HOATZ: variants seen among roughly 807,000 people sequenced by gnomAD.
HOATZ encodes HOATZ cilia and flagella associated protein.
In HOATZ, 26 loss-of-function variants were observed where a neutral mutation model predicts 24.9. The ratio of observed to expected loss-of-function variants is 1.04; its 90% CI spans 0.76 to 1.45. The LOEUF (loss-of-function observed/expected upper bound fraction) is 1.45. Ranked by LOEUF, HOATZ falls within the 40% of genes most tolerant of loss-of-function variation. The pLI is 0.00. For missense variants in HOATZ, 226 were observed against 201.5 expected (o/e 1.12, Z -0.74); for synonymous variants, 83 against 76.6 (o/e 1.08, Z -0.43).
chr11:111,515,785 G>A (rs1446489343), intron 2 of HOATZ, among the ~76,000 whole-genome samples: 1 of 152,166 alleles, frequency 6.6e-6, no homozygotes, highest in East Asian at 1.9e-4. Context: ...GCTCTCTTTC[G>A]AGACTTTTTC....
intron 3 of HOATZ, among the ~76,000 whole-genome samples, chr11:111,525,221 T>A (rs1399935353): frequency 2.0e-5 from 3 of 152,132 alleles, no homozygotes; most frequent in East Asian, 1.9e-4. Context: ...TTTGTTTTTT[T>A]AAAAAAGAAA....
At chr11:111,518,516 T>C (rs1457736340) in intron 3 of HOATZ, among the ~76,000 whole-genome samples, 1 of 152,194 alleles carries the variant, frequency 6.6e-6, no homozygotes, top group Non-Finnish European at 1.5e-5. Context: ...ATTATGATTA[T>C]CACCATTTGG....
intron 3 of HOATZ, among the ~76,000 whole-genome samples, chr11:111,526,203 G>A (rs1435349619): frequency 1.3e-5 from 2 of 152,196 alleles, no homozygotes; most frequent in African/African-American, 2.4e-5. Context: ...GTGGTAATAT[G>A]GGAGGAAGGT....
At chr11:111,520,268 C>A (rs911534229) in intron 3 of HOATZ, among the ~76,000 whole-genome samples, 1 of 151,734 alleles carries the variant, frequency 6.6e-6, no homozygotes, top group African/African-American at 2.4e-5. Context: ...GCTGATTATC[C>A]CTTTATGAAA....
chr11:111,536,629 A>G, intron 5 of HOATZ, 141 bp from the exon 6 acceptor site: 1 of 662,528 alleles, frequency 1.5e-6, no homozygotes, highest in Non-Finnish European at 2.7e-6. Flanking sequence ...ACAAGTTTAT[A>G]CTTGGTTGCA....
chr11:111,532,051 A>G (rs1331999780), intron 3 of HOATZ, among the ~76,000 whole-genome samples: 1 of 152,166 alleles, frequency 6.6e-6, no homozygotes, highest in Non-Finnish European at 1.5e-5. Context: ...GGTCTAAAGC[A>G]TGGACATCAC....
At chr11:111,528,935 T>G (rs993146351) in intron 3 of HOATZ, among the ~76,000 whole-genome samples, 2 of 152,248 alleles carry the variant, frequency 1.3e-5, no homozygotes, top group Non-Finnish European at 2.9e-5. Context: ...TCTTTGGCTC[T>G]GCCAGTTACT....
chr11:111,533,428 A>G (rs1867414415), intron 3 of HOATZ, among the ~76,000 whole-genome samples: 2 of 152,116 alleles, frequency 1.3e-5, no homozygotes, highest in South Asian at 4.1e-4. Flanking sequence ...CTTAATAAAT[A>G]TTAGTTTTTT....
At chr11:111,520,336 A>G (rs995011304) in intron 3 of HOATZ, among the ~76,000 whole-genome samples, 1 of 152,220 alleles carries the variant, frequency 6.6e-6, no homozygotes, top group Non-Finnish European at 1.5e-5. Flanking sequence ...GCAGTATTTG[A>G]AGGCATATAT....
Position 111,534,662 on chromosome 11 carries a change from A to G in HOATZ, c.452+198A>G, listed in dbSNP as rs1438684213. ...GTACGAACTTGTCTGTCTGTGGAATATGCAAGCATAAGTTAGTGCAAAATG... is the reference window on the plus strand; with the variant it reads ...GTACGAACTTGTCTGTCTGTGGAATGTGCAAGCATAAGTTAGTGCAAAATG... On this transcript the variant is annotated intron_variant, in intron 5 of 5. Coordinates refer to ENST00000375618, the MANE Select transcript of HOATZ (RefSeq NM_001100388.2). 47 of 574,894 alleles carry G rather than the reference A, an allele frequency of 8.2e-5. No homozygotes were observed. The East Asian group carries it at 1.3e-3, about 16-fold the overall frequency. The allele number at this position is 574,894 out of a possible 1,614,324, so 35.6% of individuals were successfully genotyped here.
chr11:111,516,196 C>G (rs1867197155), intron 3 of HOATZ, 86 bp downstream of exon 3: 1 of 786,892 alleles, frequency 1.3e-6, no homozygotes, highest in African/African-American at 1.8e-5. Flanking sequence ...ATTTAAAAAT[C>G]TGCTACTTCT....
At chr11:111,516,146 T>G in intron 3 of HOATZ, 36 bp downstream of exon 3, 1 of 1,280,462 alleles carries the variant, frequency 7.8e-7, no homozygotes, top group Non-Finnish European at 1.1e-6. Flanking sequence ...CTGATCATCA[T>G]TAAATTTCTA....
chr11:111,518,634 A>C (rs1385005299), intron 3 of HOATZ, among the ~76,000 whole-genome samples: 1 of 152,232 alleles, frequency 6.6e-6, no homozygotes, highest in Non-Finnish European at 1.5e-5. Context: ...TAATCCCATA[A>C]TAGATTTGTT....
intron 3 of HOATZ, among the ~76,000 whole-genome samples, chr11:111,516,631 CCT>C (rs1339493733): frequency 6.6e-6 from 1 of 152,098 alleles, no homozygotes; most frequent in African/African-American, 2.4e-5. Context: ...GCAGAAGGAT[CCT>C]CTGAGTCCAG....
intron 3 of HOATZ, among the ~76,000 whole-genome samples, chr11:111,527,772 T>G (rs1867355230): frequency 6.6e-6 from 1 of 152,186 alleles, no homozygotes; most frequent in Admixed American, 6.5e-5. Context: ...AAATTCATAG[T>G]TGAAGCATTC....
At chr11:111,533,928 A>G in intron 4 of HOATZ, 123 bp downstream of exon 4, 1 of 628,772 alleles carries the variant, frequency 1.6e-6, no homozygotes, top group East Asian at 3.0e-5. Flanking sequence ...CCATTGATAT[A>G]CCAGAGTGGG....
At position 111,534,427 on chromosome 11, in the gene HOATZ, C is replaced by T. The variant is rs1867426448; in HGVS notation, c.415C>T (p.Leu139Phe). The T allele has an allele frequency of 7.4e-6, 12 of 1,611,186 alleles. No individual in the cohort carries two copies. The highest frequency in any genetic ancestry group is 1.0e-5 in the Non-Finnish European group (12 of 1,177,664). The change falls in exon 5 of 6, where the codon CTT (leucine) becomes TTT (phenylalanine). Residue 139 changes from leucine (L) to phenylalanine (F), a missense_variant. Coordinates refer to ENST00000375618, the MANE Select transcript of HOATZ (RefSeq NM_001100388.2). ...TTTGTTTCAGAAAGAACTGATTTCC[C>T]TTCCGTATAAACCAAAAGCCAAAGA... ...EERISKELIS[L>F]PYKPKAKEHK...
At chr11:111,523,166 CAAACA>C (rs1025723615) in intron 3 of HOATZ, among the ~76,000 whole-genome samples, 12 of 150,038 alleles carry the variant, frequency 8.0e-5, no homozygotes, top group African/African-American at 2.5e-4. Flanking sequence ...CTCATAACTC[CAAACA>C]AGAGTCTTTT....
Position 111,537,012 on chromosome 11 carries a change from G to T in HOATZ, c.*185G>T, listed in dbSNP as rs1174754949. 4 of 552,406 alleles carry T rather than the reference G, an allele frequency of 7.2e-6. No individual in the cohort carries two copies. Among genetic ancestry groups the T allele is most frequent in the Non-Finnish European group, 1.3e-5 (4 of 308,826 alleles). The allele number at this position is 552,406 out of a possible 1,614,324, so 34.2% of individuals were successfully genotyped here. On this transcript the variant is annotated 3_prime_UTR_variant, in exon 6 of 6. Transcript: ENST00000375618. ...CTTGTGTTAAAATAAAGAAATAAAG[G>T]TTAAATATGCAGGCTTCTATGAATT... is the stretch of plus-strand genomic sequence containing the variant.
Sources: gnomAD v4.1 joint callset for allele counts (sites outside exome capture counted in the v4.1 genomes callset) on GRCh38, gnomAD v4.1.1 for gene constraint, MANE v1.5 for transcripts, NCBI Gene and HGNC (gene_info 2026-07-23, HGNC 2026-07-21) for gene names.